The following STIM2 variants were observed in gnomAD, a reference collection of about 807,000 sequenced individuals.
The protein encoded by STIM2 is stromal interaction molecule 2.
Under a neutral mutation model 85.8 loss-of-function variants are expected in STIM2, and 31 were observed. The ratio of observed to expected loss-of-function variants is 0.36; its 90% CI spans 0.27 to 0.49. The LOEUF (loss-of-function observed/expected upper bound fraction) is 0.49, where lower values mean the gene tolerates loss of function less well. Ranked by LOEUF, STIM2 falls within the 20% of genes least tolerant of loss-of-function variation. The pLI, the probability that STIM2 is intolerant of heterozygous loss-of-function variation, is 0.98. For missense variants in STIM2, 841 were observed against 927.6 expected, an observed-to-expected ratio of 0.91 and a Z score of 1.21; for synonymous variants, 356 against 331.1, an observed-to-expected ratio of 1.08 and a Z score of -0.82.
intron 3 of STIM2, among the ~76,000 whole-genome samples, chr4:26,986,638 TA>T (rs1175869188): frequency 6.6e-6 from 1 of 152,214 alleles, no homozygotes; most frequent in Non-Finnish European, 1.5e-5. Context: ...TCTCTTCCGA[TA>T]CCACTGTCGA....
In STIM2 at chr4:26,861,240, G is replaced by T. The variant is rs1410817385; in HGVS notation, c.22G>T (p.Val8Leu). The change falls in exon 1 of 12, where the codon GTA becomes TTA. Residue 8 changes from valine to leucine, a missense_variant. Physicochemically the swap from Val to Leu is conservative, Grantham distance 32. This residue lies in a region of STIM2 where 140 missense variants were observed against 117.7 expected (regional missense o/e 1.19). Transcript: ENST00000467087. The stretch of plus-strand genomic sequence containing the variant: ...TGCGTTGCTGGTGCTCGGGCTGCTG[G>T]TAGCCGGAGCGGCGGACGGATGCGA... The T allele has an allele frequency of 2.0e-6, 3 of 1,494,208 alleles. No homozygotes were observed. Among genetic ancestry groups the T allele is most frequent in the East Asian group, 2.9e-5 (1 of 34,876 alleles). 92.6% of individuals were successfully genotyped at this position (1,494,208 alleles called of 1,614,324 possible).
chr4:26,920,652 G>A (rs571408779), intron 2 of STIM2, among the ~76,000 whole-genome samples: 1 of 152,266 alleles, frequency 6.6e-6, no homozygotes, highest in Non-Finnish European at 1.5e-5. Context: ...GACATTCTCT[G>A]AAGATCACTT....
intron 1 of STIM2, among the ~76,000 whole-genome samples, chr4:26,909,017 T>A (rs1724232646): frequency 6.6e-6 from 1 of 152,232 alleles, no homozygotes; most frequent in South Asian, 2.1e-4. Context: ...CATTTGAGGC[T>A]GCAGTGAGCT....
chr4:26,866,128 A>G (rs1722400759), intron 1 of STIM2, among the ~76,000 whole-genome samples: 1 of 152,186 alleles, frequency 6.6e-6, no homozygotes. Context: ...TCACCCAGGT[A>G]CTGAGCATAG....
At chr4:26,994,194 ATT>A (rs1560233354) in intron 3 of STIM2, among the ~76,000 whole-genome samples, 39 of 152,040 alleles carry the variant, frequency 2.6e-4, no homozygotes, top group African/African-American at 9.4e-4. Context: ...CTGCTGCTCT[ATT>A]ATCTACACTT....
intron 3 of STIM2, among the ~76,000 whole-genome samples, chr4:26,970,225 A>G (rs867668135): frequency 1.3e-3 from 101 of 80,296 alleles, no homozygotes; most frequent in African/African-American, 4.3e-3. Flanking sequence ...ATATATATGT[A>G]TATATATATA....
intron 2 of STIM2, among the ~76,000 whole-genome samples, chr4:26,954,269 G>A (rs1475645912): frequency 6.6e-6 from 1 of 152,134 alleles, no homozygotes; most frequent in Non-Finnish European, 1.5e-5. Context: ...TACTAGAAGA[G>A]TTTATTTAAA....
At chr4:26,886,799 A>G (rs994103823) in intron 1 of STIM2, among the ~76,000 whole-genome samples, 2 of 152,156 alleles carry the variant, frequency 1.3e-5, no homozygotes, top group Non-Finnish European at 2.9e-5. Context: ...GAGAAGTGTG[A>G]CATGATTTGA....
chr4:26,995,501 G>T lies in STIM2; in HGVS notation c.509+11G>T. ...AACGACACTTCCCAGGTGAGTCTTT[G>T]TTATGCAAATGTATTTTCCACTCAG... On this transcript the variant is annotated intron_variant, in intron 4 of 11. Coordinates refer to ENST00000467087, the MANE Select transcript of STIM2 (RefSeq NM_020860.4). The T allele has an allele frequency of 1.3e-6, 2 of 1,540,638 alleles. No homozygotes were observed. Among genetic ancestry groups the T allele is most frequent in the South Asian group, 2.4e-5 (2 of 84,560 alleles).
At chr4:26,999,574 A>G (rs893174863) in intron 5 of STIM2, among the ~76,000 whole-genome samples, 2 of 152,214 alleles carry the variant, frequency 1.3e-5, no homozygotes, top group African/African-American at 4.8e-5. Context: ...AAGTTATATA[A>G]AAAACTATAT....
intron 3 of STIM2, among the ~76,000 whole-genome samples, chr4:26,979,183 A>G (rs571616204): frequency 5.9e-5 from 9 of 152,314 alleles, no homozygotes; most frequent in Middle Eastern, 3.4e-3. Context: ...TTGAAACCCT[A>G]GGTGAGTTTA....
intron 1 of STIM2, among the ~76,000 whole-genome samples, chr4:26,876,446 C>T (rs562646645): frequency 1.3e-4 from 20 of 152,096 alleles, no homozygotes; most frequent in Non-Finnish European, 2.6e-4. Context: ...TCTTAAAACT[C>T]GCCCTGCCTT....
At chr4:26,874,444 T>C (rs2109031251) in intron 1 of STIM2, 1 of 178,966 alleles carries the variant, frequency 5.6e-6, no homozygotes, top group East Asian at 1.6e-4. Context: ...GGAAGAACTG[T>C]GGCACATCTT....
At chr4:26,968,435 C>T (rs529673456) in intron 3 of STIM2, among the ~76,000 whole-genome samples, 31 of 152,184 alleles carry the variant, frequency 2.0e-4, no homozygotes, top group Admixed American at 5.9e-4. Flanking sequence ...AAAAATATTG[C>T]GGGATTCTAC....
At chr4:26,861,725 C>T (rs1722209922) in intron 1 of STIM2, 2 of 145,244 alleles carry the variant, frequency 1.4e-5, no homozygotes, top group African/African-American at 3.0e-5. Flanking sequence ...TTTGAGGCTG[C>T]TAGAAAAAGT....
chr4:26,983,364 A>G (rs186207187), intron 3 of STIM2, among the ~76,000 whole-genome samples: 14 of 152,320 alleles, frequency 9.2e-5, no homozygotes, highest in Non-Finnish European at 1.8e-4. Context: ...AACTTTTCCT[A>G]AAAGTTATTT....
chr4:26,892,762 A>G (rs1217203186), intron 1 of STIM2, among the ~76,000 whole-genome samples: 4 of 152,168 alleles, frequency 2.6e-5, no homozygotes, highest in South Asian at 4.1e-4. Context: ...GAAAGTTGAT[A>G]TAACCCTGAG....
At chr4:26,964,952 C>T (rs1182113131) in intron 3 of STIM2, among the ~76,000 whole-genome samples, 1 of 152,108 alleles carries the variant, frequency 6.6e-6, no homozygotes, top group Admixed American at 6.6e-5. Flanking sequence ...GTGAGAGACG[C>T]TGTGCTAGAT....
intron 2 of STIM2, among the ~76,000 whole-genome samples, chr4:26,951,348 A>T (rs767807670): frequency 1.3e-5 from 2 of 152,132 alleles, no homozygotes; most frequent in Non-Finnish European, 2.9e-5. Context: ...CATTTCCCAC[A>T]CAAAGTCCCG....
Sources: allele counts gnomAD v4.1 joint callset (sites outside exome capture counted in the v4.1 genomes callset), GRCh38; gene constraint gnomAD v4.1.1; regional missense constraint gnomAD v4.1.1; transcripts MANE v1.5; gene names NCBI Gene and HGNC (gene_info 2026-07-23, HGNC 2026-07-21).